Variants in CNTN6 observed in about 807,000 individuals in gnomAD.
CNTN6 encodes the protein contactin 6.
Under a neutral mutation model 122.8 loss-of-function variants are expected in CNTN6, and 137 were observed. The observed-to-expected ratio is 1.12, with a 90% CI of 0.97 to 1.29. The LOEUF is 1.29. Among genes scored for constraint, CNTN6 ranks in the 50% most tolerant of loss-of-function variants. CNTN6 has a pLI of 0.00. For missense variants in CNTN6, 1,634 were observed against 1,223.4 expected (o/e 1.34, Z -5.01); for synonymous variants, 570 against 426.0 (o/e 1.34, Z -4.16).
chr3:1,355,955 C>T (rs758884249), intron 12 of CNTN6, among the ~76,000 whole-genome samples: 1 of 151,752 alleles, frequency 6.6e-6, no homozygotes, highest in Admixed American at 6.6e-5. Context: ...CAGGATAAGG[C>T]GATTTTCCAT....
chr3:1,118,863 A>AC (rs112987410), intron 1 of CNTN6, among the ~76,000 whole-genome samples: 1 of 151,626 alleles, frequency 6.6e-6, no homozygotes, highest in South Asian at 2.1e-4. Flanking sequence ...CTCTTAAAAA[A>AC]AAAAAAAACA....
chr3:1,307,884 A>G (rs1476074981), intron 7 of CNTN6, among the ~76,000 whole-genome samples: 3 of 152,160 alleles, frequency 2.0e-5, no homozygotes, highest in African/African-American at 7.2e-5. Flanking sequence ...ATAATGATTT[A>G]TGACAGATGA....
chr3:1,391,302 A>C (rs1694106102), intron 20 of CNTN6, among the ~76,000 whole-genome samples: 1 of 124,366 alleles, frequency 8.0e-6, no homozygotes. Flanking sequence ...AAAGACAAAA[A>C]CCACATAATT....
intron 4 of CNTN6, among the ~76,000 whole-genome samples, chr3:1,275,218 C>T (rs1394672982): frequency 1.3e-5 from 2 of 152,140 alleles, no homozygotes; most frequent in Admixed American, 6.5e-5. Context: ...ATAGTGGCCT[C>T]ACCCTCCAAA....
At chr3:1,242,797 G>T (rs749507639) in intron 4 of CNTN6, among the ~76,000 whole-genome samples, 3 of 152,114 alleles carry the variant, frequency 2.0e-5, no homozygotes, top group Non-Finnish European at 4.4e-5. Context: ...GAACTGGGCA[G>T]GTGGGGATAA....
At chr3:1,302,133 CTGTATT>C (rs1226719136) in intron 7 of CNTN6, among the ~76,000 whole-genome samples, 1 of 152,114 alleles carries the variant, frequency 6.6e-6, no homozygotes, top group Non-Finnish European at 1.5e-5. Flanking sequence ...AATTATAAAT[CTGTATT>C]TGTAAGTTTG....
rs775477031 is a variant in CNTN6, at chr3:1,403,463, T to C, written c.*45T>C. ...TTGAGAGTTTTTTGAAAGCAAATCATTCTGTATATATGCTCTCCAGCCTCT... is the reference window on the plus strand; with the variant it reads ...TTGAGAGTTTTTTGAAAGCAAATCACTCTGTATATATGCTCTCCAGCCTCT... On this transcript the variant is annotated 3_prime_UTR_variant, in exon 23 of 23. Transcript: ENST00000446702. 7.9e-6 allele frequency: 10 copies of C among 1,268,634 alleles called. No individual in the cohort carries two copies. In the South Asian group the frequency reaches 1.2e-4, roughly 15 times the overall value. The allele number at this position is 1,268,634 out of a possible 1,614,324, so 78.6% of individuals were successfully genotyped here.
intron 2 of CNTN6, among the ~76,000 whole-genome samples, chr3:1,193,714 C>G (rs1243743944): frequency 1.3e-5 from 2 of 152,208 alleles, no homozygotes; most frequent in South Asian, 4.1e-4. Context: ...CAGTCCACTA[C>G]AGGTAGTGCT....
intron 2 of CNTN6, among the ~76,000 whole-genome samples, chr3:1,195,597 T>C (rs537143865): frequency 6.6e-6 from 1 of 152,302 alleles, no homozygotes; most frequent in South Asian, 2.1e-4. Flanking sequence ...ATCTTTATAG[T>C]TAATTGACTT....
chr3:1,297,844 C>G (rs367619690), intron 6 of CNTN6, 45 bp from the exon 7 acceptor site: 8 of 1,474,384 alleles, frequency 5.4e-6, no homozygotes, highest in Non-Finnish European at 7.5e-6. Flanking sequence ...TCATAGAAAA[C>G]TTCTATTCTC....
Position 1,377,016 on chromosome 3 carries a change from G to A in CNTN6, c.2107G>A (p.Ala703Thr). The A allele has an allele frequency of 6.3e-7, 1 of 1,595,322 alleles. No individual in the cohort carries two copies. The highest frequency in any genetic ancestry group is 2.3e-5 in the East Asian group (1 of 43,974). ...TTGGTTATTTTTAGTCCCTGTTGTG[G>A]CACCAGTAAACATCCATGGAGGTGG... ...LRTKASVPVV[A>T]PVNIHGGGGS... Residue 703 changes from alanine to threonine, a missense_variant, in exon 17 of 23, where the codon GCA becomes ACA. Transcript: ENST00000446702.
chr3:1,171,951 C>G (rs2093365060), intron 2 of CNTN6, among the ~76,000 whole-genome samples: 1 of 152,140 alleles, frequency 6.6e-6, no homozygotes, highest in South Asian at 2.1e-4. Context: ...TCTAAAGAAC[C>G]ATGTTGCATC....
intron 2 of CNTN6, among the ~76,000 whole-genome samples, chr3:1,172,615 A>ACTCTCTCT (rs148092428): frequency 0.012 from 911 of 76,808 alleles, 10 homozygotes; most frequent in African/African-American, 0.054. Flanking sequence ...GTCTGCAATA[A>ACTCTCTCT]CTCTCTGTGT....
In CNTN6 at chr3:1,257,331, A is replaced by G. The variant is rs1004603682; in HGVS notation, c.359-21082A>G. ...GGCTAGTTGTGTTTTTATGATACAGAAATTTTAGCAAAGAAATTGTTTTGT... is the reference window on the plus strand; with the variant it reads ...GGCTAGTTGTGTTTTTATGATACAGGAATTTTAGCAAAGAAATTGTTTTGT... On this transcript the variant is annotated intron_variant, in intron 4 of 22. Transcript: ENST00000446702. Among the ~76,000 whole-genome samples the G allele has an allele frequency of 6.6e-5, 10 of 152,272 alleles. No individual in the cohort carries two copies. In the East Asian group the frequency reaches 1.9e-3, roughly 29 times the overall value.
chr3:1,150,247 G>T (rs1423248064), intron 2 of CNTN6, among the ~76,000 whole-genome samples: 2 of 152,184 alleles, frequency 1.3e-5, no homozygotes, highest in African/African-American at 4.8e-5. Context: ...TGATGATAGA[G>T]TTCTGTGACT....
chr3:1,120,133 G>C (rs2091895068), intron 1 of CNTN6, among the ~76,000 whole-genome samples: 1 of 143,546 alleles, frequency 7.0e-6, no homozygotes, highest in Non-Finnish European at 1.6e-5. Context: ...ATGGATGTTT[G>C]GTTTTTTTCA....
intron 4 of CNTN6, among the ~76,000 whole-genome samples, chr3:1,244,605 G>A (rs1012883114): frequency 9.2e-5 from 14 of 152,168 alleles, no homozygotes; most frequent in African/African-American, 2.7e-4. Flanking sequence ...CCCCCGATCC[G>A]AGTCACAGCA....
Position 1,352,412 on chromosome 3 carries a change from T to C in CNTN6, c.1453T>C (p.Phe485Leu), listed in dbSNP as rs1201341262. 14 of 1,609,550 alleles carry C rather than the reference T, an allele frequency of 8.7e-6. No homozygotes were observed. The highest frequency in any genetic ancestry group is 1.2e-5 in the Non-Finnish European group (14 of 1,177,152). The change falls in exon 12 of 23, where the codon TTT (phenylalanine) becomes CTT (leucine). Residue 485 changes from phenylalanine to leucine, a missense_variant. Coordinates refer to ENST00000446702, the MANE Select transcript of CNTN6 (RefSeq NM_001289080.2). ...ATATACATGCATAGCCACAAATCAGTTTGGCACTGCAAAGAACACTGGCAG... is the reference window on the plus strand; with the variant it reads ...ATATACATGCATAGCCACAAATCAGCTTGGCACTGCAAAGAACACTGGCAG... ...GSYTCIATNQ[F>L]GTAKNTGSLI... is the part of the protein sequence containing the mutation.
chr3:1,388,263 C>A (rs560690090), intron 20 of CNTN6, among the ~76,000 whole-genome samples: 6 of 149,040 alleles, frequency 4.0e-5, no homozygotes, highest in East Asian at 3.9e-4. Context: ...CCCTGACCCC[C>A]GAGCAGCCTA....
Sources: gnomAD v4.1 joint callset for allele counts (sites outside exome capture counted in the v4.1 genomes callset) on GRCh38, gnomAD v4.1.1 for gene constraint, MANE v1.5 for transcripts, NCBI Gene and HGNC (gene_info 2026-07-23, HGNC 2026-07-21) for gene names.